Variants in FASTKD2 observed in about 807,000 individuals in gnomAD.
FASTKD2 encodes the protein FAST kinase domains 2, also known as FAST kinase domain-containing protein 2, mitochondrial.
A neutral mutation model predicts 63.6 loss-of-function variants in FASTKD2; 51 were observed. That is an observed-to-expected ratio of 0.80 (90% CI 0.64 to 1.01). The LOEUF is 1.01. Ranked by LOEUF, FASTKD2 falls within the 50% of genes least tolerant of loss-of-function variation. The probability of loss-of-function intolerance (pLI) is 0.00; values close to 1 mark genes in which losing one functional copy is unlikely to be tolerated. For missense variants in FASTKD2, 786 were observed against 831.1 expected (o/e 0.95, Z 0.67); for synonymous variants, 284 against 293.4 (o/e 0.97, Z 0.33).
rs1414893610 is a variant in FASTKD2 at position 206,791,778 on chromosome 2, T to C, written c.2109T>C (p.Ala703=). Residue 703 remains alanine (A), a synonymous_variant, in exon 12 of 12, where the codon GCT becomes GCC. Coordinates refer to ENST00000402774, the MANE Select transcript of FASTKD2 (RefSeq NM_001136193.2). ...IYSVEALPVA[A]VNVQSTQ ...CAGTAGAAGCTCTTCCTGTTGCTGC[T>C]GTAAATGTGCAAAGCACACAATAAA... is the stretch of plus-strand genomic sequence containing the variant. The C allele has an allele frequency of 4.3e-6, 7 of 1,613,012 alleles. No individual in the cohort carries two copies. Among genetic ancestry groups the C allele is most frequent in the Non-Finnish European group, 5.9e-6 (7 of 1,179,574 alleles).
In FASTKD2 at chr2:206,794,342, A is replaced by T. The variant is rs1690382635; in HGVS notation, c.*2540A>T. 6.6e-6 allele frequency among the ~76,000 whole-genome samples: 1 copy of T among 152,244 alleles called. No individual in the cohort carries two copies. The highest frequency in any genetic ancestry group is 1.5e-5 in the Non-Finnish European group (1 of 68,044). On this transcript the variant is annotated 3_prime_UTR_variant, in exon 12 of 12. Transcript: ENST00000402774. ...AATGAAAAGGTTGATCTTGCTCTAG[A>T]TACAAGATATAAAATTGTATTCTTG... is the stretch of plus-strand genomic sequence containing the variant.
At chr2:206,767,880 G>C (rs549288658) in intron 2 of FASTKD2, among the ~76,000 whole-genome samples, 3 of 152,336 alleles carry the variant, frequency 2.0e-5, no homozygotes, top group Admixed American at 1.3e-4. Context: ...GAAGGGGATG[G>C]TGTTTCAAGT....
chr2:206,783,958 G>A (rs1690066292), intron 7 of FASTKD2, among the ~76,000 whole-genome samples: 1 of 152,170 alleles, frequency 6.6e-6, no homozygotes, highest in Non-Finnish European at 1.5e-5. Flanking sequence ...ATCCTACTAT[G>A]CAGAAGATAG....
intron 2 of FASTKD2, among the ~76,000 whole-genome samples, chr2:206,769,449 G>GT (rs1259324107): frequency 6.6e-6 from 1 of 152,166 alleles, no homozygotes; most frequent in Non-Finnish European, 1.5e-5. Flanking sequence ...GTTAAGCTGT[G>GT]TTGTTACTAT....
intron 7 of FASTKD2, among the ~76,000 whole-genome samples, chr2:206,778,659 A>T (rs1358997958): frequency 6.6e-6 from 1 of 151,674 alleles, no homozygotes; most frequent in African/African-American, 2.4e-5. Flanking sequence ...TGTTATATCC[A>T]TTTCATCTGT....
At chr2:206,788,284 T>C (rs1207393415) in intron 9 of FASTKD2, 129 bp downstream of exon 9, 11 of 629,084 alleles carry the variant, frequency 1.7e-5, no homozygotes, top group Admixed American at 2.8e-5. Flanking sequence ...GGCCTGATTC[T>C]TGCCTCATAA....
intron 7 of FASTKD2, among the ~76,000 whole-genome samples, chr2:206,779,441 A>G (rs1689909922): frequency 6.6e-6 from 1 of 152,228 alleles, no homozygotes; most frequent in Non-Finnish European, 1.5e-5. Context: ...ATTGACCAAC[A>G]GTTCCACATG....
intron 4 of FASTKD2, 107 bp from the exon 5 acceptor site, chr2:206,771,787 G>GAGGCT (rs1371129323): frequency 1.1e-6 from 1 of 879,758 alleles, no homozygotes; most frequent in East Asian, 2.7e-5. Flanking sequence ...CTGGGAGGTT[G>GAGGCT]AGGCTCCAAC....
Position 206,766,781 on chromosome 2 carries a change from C to G in FASTKD2, c.88C>G (p.Gln30Glu). Residue 30 changes from glutamine (Q) to glutamate (E), a missense_variant, in exon 2 of 12, where the codon CAA becomes GAA. Transcript: ENST00000402774. The stretch of plus-strand genomic sequence containing the variant: ...GGGCTCCTTTTTCTGGAACCTTAGA[C>G]AATTCAGTACATTAGTTTCAACAAG... ...KAGSFFWNLRQFSTLVSTSRT... is the reference protein window; with the variant it reads ...KAGSFFWNLREFSTLVSTSRT... 6.2e-7 allele frequency: 1 copy of G among 1,613,574 alleles called. No individual in the cohort carries two copies. Among genetic ancestry groups the G allele is most frequent in the Non-Finnish European group, 8.5e-7 (1 of 1,179,724 alleles).
At chr2:206,775,441 C>T (rs372733268) in intron 7 of FASTKD2, among the ~76,000 whole-genome samples, 25 of 151,828 alleles carry the variant, frequency 1.6e-4, no homozygotes, top group African/African-American at 5.8e-4. Context: ...TCCTGGCATC[C>T]CAGGGATAAA....
intron 7 of FASTKD2, among the ~76,000 whole-genome samples, chr2:206,781,915 T>G (rs551778662): frequency 1.3e-5 from 2 of 152,238 alleles, no homozygotes; most frequent in African/African-American, 4.8e-5. Flanking sequence ...ACCAGCTCCT[T>G]GGACAGCTCA....
At chr2:206,783,231 G>T (rs1309219440) in intron 7 of FASTKD2, 4 of 150,380 alleles carry the variant, frequency 2.7e-5, no homozygotes, top group Admixed American at 2.6e-4. Context: ...CAGAGTCCCT[G>T]TGCTTGTCAT....
intron 7 of FASTKD2, among the ~76,000 whole-genome samples, chr2:206,776,212 T>G (rs912733927): frequency 6.6e-6 from 1 of 151,692 alleles, no homozygotes; most frequent in African/African-American, 2.4e-5. Context: ...TTATATAAAC[T>G]TATAGCAATA....
rs187016945 is a variant in FASTKD2 at position 206,770,685 on chromosome 2, G to A, written c.881+491G>A. Among the ~76,000 whole-genome samples the A allele has an allele frequency of 6.5e-3, 971 of 149,006 alleles. 5 individuals carry two copies. The highest frequency in any genetic ancestry group is 9.2e-3 in the Non-Finnish European group (621 of 67,514). On this transcript the variant is annotated intron_variant, in intron 3 of 11. Transcript: ENST00000402774. The stretch of plus-strand genomic sequence containing the variant: ...GCAGAGCTTGCAGTGAGCTGAGATC[G>A]CGCCACTGCACTCCAGCCTGGGCAA...
chr2:206,786,668 T>G (rs1690144743), intron 7 of FASTKD2, 65 bp from the exon 8 acceptor site: 1 of 1,398,754 alleles, frequency 7.1e-7, no homozygotes, highest in Non-Finnish European at 1.0e-6. Context: ...TCTCTTTTCT[T>G]TGGAATCGTT....
chr2:206,770,180 A>C lies in FASTKD2; in HGVS notation c.867A>C (p.Leu289=). Residue 289 remains leucine (L), a synonymous_variant, in exon 3 of 12, where the codon CTA becomes CTC. Coordinates refer to ENST00000402774, the MANE Select transcript of FASTKD2 (RefSeq NM_001136193.2). The part of the protein sequence containing the change: ...AMEPCKNVHV[L]RTGFRILVDQ... ...AACCATGCAAGAATGTTCATGTTCT[A>C]CGAACGGGATTCAGGTGAGAACTCT... The C allele has an allele frequency of 6.2e-7, 1 of 1,602,932 alleles. No individual in the cohort carries two copies. Among genetic ancestry groups the C allele is most frequent in the Non-Finnish European group, 8.5e-7 (1 of 1,169,814 alleles).
Position 206,767,144 on chromosome 2 carries a change from C to G in FASTKD2, c.451C>G (p.Pro151Ala). 6.2e-7 allele frequency: 1 copy of G among 1,614,132 alleles called. No homozygotes were observed. Among genetic ancestry groups the G allele is most frequent in the Non-Finnish European group, 8.5e-7 (1 of 1,179,982 alleles). ...AGATGTTCTTACCAAGGAAACAAAA[C>G]CAAACCGTATCAGCAGTAGAAAACT... ...NEDVLTKETK[P>A]NRISSRKLSE... Residue 151 changes from proline (P) to alanine (A), a missense_variant, in exon 2 of 12, where the codon CCA becomes GCA. Physicochemically the swap from Pro to Ala is conservative, Grantham distance 27. Transcript: ENST00000402774.
rs58656956 is a variant in FASTKD2, at chr2:206,793,220, C to CAAAAAAAAAAAAAAAAAAAAA, written c.*1429_*1449dup. ...CTGACCACAGAGCGAGACTCTGTCTCAAAAAAAAAAAAAAAAAAAAAAAAA... is the reference window on the plus strand; with the variant it reads ...CTGACCACAGAGCGAGACTCTGTCTCAAAAAAAAAAAAAAAAAAAAAAAAAAAAAAAAAAAAAAAAAAAAAA... On this transcript the variant is annotated 3_prime_UTR_variant, in exon 12 of 12. Coordinates refer to ENST00000402774, the MANE Select transcript of FASTKD2 (RefSeq NM_001136193.2). 1.5e-5 allele frequency among the ~76,000 whole-genome samples: 1 copy of CAAAAAAAAAAAAAAAAAAAAA among 65,820 alleles called. No homozygotes were observed. Among genetic ancestry groups the CAAAAAAAAAAAAAAAAAAAAA allele is most frequent in the African/African-American group, 6.2e-5 (1 of 16,240 alleles). 43.2% of individuals were successfully genotyped at this position (65,820 alleles called of 152,430 possible). A position where few individuals can be genotyped will look rare whatever the true frequency, so the allele number is the denominator to read the frequency against.
intron 7 of FASTKD2, among the ~76,000 whole-genome samples, chr2:206,785,030 A>C (rs915349992): frequency 6.6e-6 from 1 of 152,214 alleles, no homozygotes; most frequent in Admixed American, 6.5e-5. Flanking sequence ...ACAGTTCCAC[A>C]TGGCTGGGGA....
Sources: gnomAD v4.1 joint callset for allele counts (sites outside exome capture counted in the v4.1 genomes callset) on GRCh38, gnomAD v4.1.1 for gene constraint, MANE v1.5 for transcripts, NCBI Gene and HGNC (gene_info 2026-07-23, HGNC 2026-07-21) for gene names.